The following ASAP1 variants were observed in gnomAD, a reference collection of about 807,000 sequenced individuals.
The protein encoded by ASAP1 is ArfGAP with SH3 domain, ankyrin repeat and PH domain 1, also known as arf-GAP with SH3 domain, ANK repeat and PH domain-containing protein 1.
ASAP1 carries 43 observed loss-of-function variants against 145.2 expected under a neutral mutation model. The ratio of observed to expected loss-of-function variants is 0.30; its 90% CI spans 0.23 to 0.38. ASAP1 has a LOEUF of 0.38. ASAP1 is among the 10% of genes least tolerant of loss of function. The pLI is 1.00. For synonymous variants in ASAP1, 546 were observed against 515.5 expected, an observed-to-expected ratio of 1.06 and a Z score of -0.80; for missense variants, 1,018 against 1,355.3, an observed-to-expected ratio of 0.75 and a Z score of 3.91.
chr8:130,258,586 C>T (rs1036469206), intron 3 of ASAP1, among the ~76,000 whole-genome samples: 2 of 152,170 alleles, frequency 1.3e-5, no homozygotes, highest in African/African-American at 4.8e-5. Context: ...CTCGGAAGGG[C>T]TCTGTGAGTT....
chr8:130,214,228 C>T (rs943240531), intron 5 of ASAP1, among the ~76,000 whole-genome samples: 1 of 152,116 alleles, frequency 6.6e-6, no homozygotes, highest in Admixed American at 6.5e-5. Context: ...TAAAGGTTAT[C>T]TTTAAAAAAA....
intron 24 of ASAP1, among the ~76,000 whole-genome samples, chr8:130,097,126 CAAAAAA>C (rs61591724): frequency 8.1e-3 from 434 of 53,354 alleles, no homozygotes; most frequent in African/African-American, 0.011. Context: ...AGTTAGTCTC[CAAAAAA>C]AAAAAAAAAA....
At chr8:130,390,072 G>A (rs536486587) in intron 2 of ASAP1, among the ~76,000 whole-genome samples, 18 of 152,268 alleles carry the variant, frequency 1.2e-4, no homozygotes, top group Admixed American at 1.2e-3. Flanking sequence ...AAACACTAAA[G>A]GGAGGGCCTG....
chr8:130,235,134 G>C (rs915935072), intron 4 of ASAP1, among the ~76,000 whole-genome samples: 9 of 152,030 alleles, frequency 5.9e-5, no homozygotes, highest in Non-Finnish European at 1.0e-4. Flanking sequence ...AACAAAGCTA[G>C]GATTCAAACT....
At chr8:130,088,482 G>C (rs986535605) in intron 25 of ASAP1, among the ~76,000 whole-genome samples, 26 of 152,138 alleles carry the variant, frequency 1.7e-4, no homozygotes, top group Admixed American at 5.9e-4. Context: ...TGAGAACACA[G>C]AGAGGCGGCG....
chr8:130,186,469 T>C (rs533483076), intron 7 of ASAP1, among the ~76,000 whole-genome samples: 2 of 152,244 alleles, frequency 1.3e-5, no homozygotes, highest in South Asian at 4.1e-4. Flanking sequence ...ACATATCTCC[T>C]CCCACCCCAC....
At chr8:130,074,600 C>G (rs1167476200) in intron 27 of ASAP1, among the ~76,000 whole-genome samples, 1 of 152,052 alleles carries the variant, frequency 6.6e-6, no homozygotes, top group African/African-American at 2.4e-5. Flanking sequence ...AACAGCAATG[C>G]AAAAGATGGA....
intron 5 of ASAP1, among the ~76,000 whole-genome samples, chr8:130,193,293 T>C (rs1224924896): frequency 6.6e-6 from 1 of 151,778 alleles, no homozygotes; most frequent in East Asian, 1.9e-4. Flanking sequence ...CGCCTGAACC[T>C]GGGAGGTGGA....
At chr8:130,409,556 AT>A (rs1034900801) in intron 1 of ASAP1, among the ~76,000 whole-genome samples, 6 of 152,118 alleles carry the variant, frequency 3.9e-5, no homozygotes, top group African/African-American at 1.4e-4. Flanking sequence ...TCCCAGGATA[AT>A]CCAATAGGCT....
intron 4 of ASAP1, among the ~76,000 whole-genome samples, chr8:130,216,293 T>C (rs1302897421): frequency 2.0e-5 from 3 of 152,230 alleles, no homozygotes; most frequent in Admixed American, 6.5e-5. Context: ...ATGTTCAGAA[T>C]TGGATCAGAT....
In ASAP1 at chr8:130,179,296, C is replaced by G; in HGVS notation, c.714G>C (p.Gln238His). 6.2e-7 allele frequency: 1 copy of G among 1,609,534 alleles called. No homozygotes were observed. Among genetic ancestry groups the G allele is most frequent in the East Asian group, 2.2e-5 (1 of 44,802 alleles). The change falls in exon 9 of 30, where the codon CAG (glutamine) becomes CAC (histidine). Residue 238 changes from glutamine to histidine, a missense_variant. By Grantham distance (24) the Gln-to-His change is conservative. Coordinates refer to ENST00000518721, the MANE Select transcript of ASAP1 (RefSeq NM_018482.4). The part of the protein sequence containing the change: ...IKTKKGVDLL[Q>H]NLIKYYHAQC... ...GTGCATGGTAATACTTTATAAGATT[C>G]TGCAGCAGATCCACACCCTTTTTGG...
intron 5 of ASAP1, among the ~76,000 whole-genome samples, chr8:130,189,310 C>T (rs889972502): frequency 2.6e-5 from 4 of 151,936 alleles, no homozygotes; most frequent in Admixed American, 6.6e-5. Context: ...CTCTTTATTC[C>T]CTCCTCCCCA....
intron 3 of ASAP1, among the ~76,000 whole-genome samples, chr8:130,260,156 C>T (rs1819807060): frequency 6.6e-6 from 1 of 152,144 alleles, no homozygotes; most frequent in Non-Finnish European, 1.5e-5. Context: ...ATTTCTGTGA[C>T]AGTATAAGAT....
intron 4 of ASAP1, among the ~76,000 whole-genome samples, chr8:130,233,440 T>C (rs562465468): frequency 6.6e-6 from 1 of 152,320 alleles, no homozygotes; most frequent in Non-Finnish European, 1.5e-5. Flanking sequence ...CTTTCCATTA[T>C]TTGCTAGGTA....
intron 1 of ASAP1, among the ~76,000 whole-genome samples, chr8:130,403,554 C>CTTTTCTT (rs1828893846): frequency 8.0e-6 from 1 of 125,398 alleles, no homozygotes; most frequent in African/African-American, 3.1e-5. Context: ...TTTTCTTTTT[C>CTTTTCTT]TTTTTTTTTT....
intron 3 of ASAP1, among the ~76,000 whole-genome samples, chr8:130,329,391 T>C (rs1824538576): frequency 6.6e-6 from 1 of 152,192 alleles, no homozygotes; most frequent in Non-Finnish European, 1.5e-5. Context: ...ACTTGCACAG[T>C]TGCTACATCC....
chr8:130,193,136 A>G (rs529362919), intron 5 of ASAP1, among the ~76,000 whole-genome samples: 1 of 152,196 alleles, frequency 6.6e-6, no homozygotes, highest in South Asian at 2.1e-4. Context: ...TGGGAGGCCG[A>G]GGCGGGCGAA....
chr8:130,443,396 C>A (rs1250787226), intron 1 of ASAP1, 64 bp downstream of exon 1: 1 of 151,084 alleles, frequency 6.6e-6, no homozygotes, highest in Non-Finnish European at 1.5e-5. Context: ...GGGCAGGGGG[C>A]GCCCGCGACT....
chr8:130,389,218 AT>A (rs1828162295), intron 2 of ASAP1, among the ~76,000 whole-genome samples: 1 of 152,194 alleles, frequency 6.6e-6, no homozygotes, highest in Non-Finnish European at 1.5e-5. Flanking sequence ...TGTTATACCC[AT>A]TTTGCAGATA....
Sources: gnomAD v4.1 joint callset for allele counts (sites outside exome capture counted in the v4.1 genomes callset) on GRCh38, gnomAD v4.1.1 for gene constraint, MANE v1.5 for transcripts, NCBI Gene and HGNC (gene_info 2026-07-23, HGNC 2026-07-21) for gene names.